Variants in IGF2R observed in about 807,000 individuals in gnomAD.
IGF2R encodes cation-independent mannose-6-phosphate receptor.
Under a neutral mutation model 270.6 loss-of-function variants are expected in IGF2R, and 91 were observed. The observed-to-expected ratio is 0.34, with a 90% confidence interval of 0.28 to 0.40. The LOEUF (loss-of-function observed/expected upper bound fraction) is 0.40. IGF2R is among the 10% of genes least tolerant of loss of function. The pLI, the probability that IGF2R is intolerant of heterozygous loss-of-function variation, is 1.00. For missense variants in IGF2R, 2,805 were observed against 3,188.3 expected (o/e 0.88, Z 2.90); for synonymous variants, 1,316 against 1,258.9 (o/e 1.05, Z -0.96).
At chr6:159,975,512 A>G (rs959479680) in intron 1 of IGF2R, among the ~76,000 whole-genome samples, 3 of 151,910 alleles carry the variant, frequency 2.0e-5, no homozygotes, top group Non-Finnish European at 4.4e-5. Context: ...GTCCAAAAGC[A>G]GGGAAGATGA....
intron 39 of IGF2R, among the ~76,000 whole-genome samples, chr6:160,083,737 C>T (rs1779035417): frequency 1.3e-5 from 2 of 152,216 alleles, no homozygotes; most frequent in African/African-American, 4.8e-5. Context: ...TCCCTTAAAC[C>T]TTAATTTTAT....
In IGF2R at chr6:160,102,596, G is replaced by A; in HGVS notation, c.6920G>A (p.Gly2307Asp). 1 of 1,613,722 alleles carries A rather than the reference G, an allele frequency of 6.2e-7. No homozygotes were observed. Among genetic ancestry groups the A allele is most frequent in the Non-Finnish European group, 8.5e-7 (1 of 1,179,882 alleles). The change falls in exon 46 of 48, where the codon GGC becomes GAC. Residue 2307 changes from glycine to aspartate, a missense_variant. Physicochemically the swap from Gly to Asp is moderately conservative, Grantham distance 94. This residue lies in a region of IGF2R where 1,851 missense variants were observed against 2,207.2 expected (regional missense o/e 0.84). Coordinates refer to ENST00000356956, the MANE Select transcript of IGF2R (RefSeq NM_000876.4). The surrounding 1 kb of genome is among the most constrained non-coding windows in gnomAD (Gnocchi z 4.5). ...KGLSERSQAV[G>D]AVLSLLLVAL... ...CTGTCAGAACGGAGCCAGGCAGTCG[G>A]CGCGGTGCTCAGCCTGCTGCTGGTG...
At chr6:159,972,783 A>T (rs372767493) in intron 1 of IGF2R, among the ~76,000 whole-genome samples, 2 of 152,228 alleles carry the variant, frequency 1.3e-5, no homozygotes, top group Non-Finnish European at 1.5e-5. Flanking sequence ...GTGTCCGTGC[A>T]CGTGGAGGGG....
At chr6:160,053,315 A>G (rs2115254334) in intron 19 of IGF2R, among the ~76,000 whole-genome samples, 1 of 152,318 alleles carries the variant, frequency 6.6e-6, no homozygotes, top group South Asian at 2.1e-4. Flanking sequence ...CCTAAATTAA[A>G]TGATGAGTTG....
intron 2 of IGF2R, among the ~76,000 whole-genome samples, chr6:159,999,961 C>G (rs1039547974): frequency 6.6e-6 from 1 of 152,116 alleles, no homozygotes; most frequent in Non-Finnish European, 1.5e-5. Flanking sequence ...AAAAGGTGTT[C>G]TAAAGACAAA....
At chr6:159,991,062 TA>T in intron 1 of IGF2R, 121 bp from the exon 2 acceptor site, 1 of 936,000 alleles carries the variant, frequency 1.1e-6, no homozygotes. Context: ...TGTTTTTGGC[TA>T]AGGAAAGTGT....
Position 160,110,312 on chromosome 6 carries a change from C to G in IGF2R, c.*5228C>G, listed in dbSNP as rs1035628361. 3.9e-5 allele frequency: 6 copies of G among 152,130 alleles called. No individual in the cohort carries two copies. Among genetic ancestry groups the G allele is most frequent in the Admixed American group, 1.3e-4 (2 of 15,274 alleles). 9.4% of individuals were successfully genotyped at this position (152,130 alleles called of 1,614,324 possible). A position where few individuals can be genotyped will look rare whatever the true frequency, so the allele number is the denominator to read the frequency against. ...CCACACCGTTGATGAGCAGTGAGGC[C>G]CAAACAGGTATATCAAAAAATGCTC... is the stretch of plus-strand genomic sequence containing the variant. On this transcript the variant is annotated 3_prime_UTR_variant, in exon 48 of 48. Transcript: ENST00000356956.
chr6:160,016,117 T>G (rs1265744652), intron 4 of IGF2R, among the ~76,000 whole-genome samples: 1 of 152,200 alleles, frequency 6.6e-6, no homozygotes, highest in East Asian at 1.9e-4. Flanking sequence ...CTGGGCTGGC[T>G]TTTTTGGCCT....
At chr6:160,037,804 C>T (rs932804824) in intron 10 of IGF2R, among the ~76,000 whole-genome samples, 1 of 152,084 alleles carries the variant, frequency 6.6e-6, no homozygotes, top group Admixed American at 6.5e-5. Flanking sequence ...GTCGGGGGTG[C>T]GGGCTCTGCT....
At chr6:160,086,513 G>A (rs1448974609) in intron 41 of IGF2R, among the ~76,000 whole-genome samples, 1 of 152,208 alleles carries the variant, frequency 6.6e-6, no homozygotes, top group Non-Finnish European at 1.5e-5. Context: ...ATGGGGCAGC[G>A]TTGTCATCCG....
intron 39 of IGF2R, among the ~76,000 whole-genome samples, chr6:160,082,142 C>T (rs915058264): frequency 2.0e-5 from 3 of 152,140 alleles, no homozygotes; most frequent in Non-Finnish European, 4.4e-5. Flanking sequence ...CCTGACTTCC[C>T]GCAATAGTCC....
In IGF2R at chr6:160,059,034, A is replaced by G. The variant is rs1448586218; in HGVS notation, c.3027A>G (p.Lys1009=). ...CAGCAAGGCCAGTCGGAATTGAGAA[A>G]AGCCTCCAGCTGTCCACAGAGGGCT... The part of the protein sequence containing the change: ...WKPARPVGIE[K]SLQLSTEGFI... The change falls in exon 22 of 48, where the codon AAA becomes AAG. Residue 1009 remains lysine, a synonymous_variant. Transcript: ENST00000356956. The G allele has an allele frequency of 5.0e-6, 8 of 1,614,230 alleles. No homozygotes were observed. The highest frequency in any genetic ancestry group is 6.8e-6 in the Non-Finnish European group (8 of 1,180,040).
At position 160,012,761 on chromosome 6, in the gene IGF2R, ATATT is replaced by A. The variant is rs1278597004; in HGVS notation, c.513+1978_513+1981del. On this transcript the variant is annotated intron_variant, in intron 4 of 47. Transcript: ENST00000356956. ...CCGGCTAATTTATATATATATATATATATTTTTTTTTTTTTTTGTTTGTTTGTTT... is the reference window on the plus strand; with the variant it reads ...CCGGCTAATTTATATATATATATATATTTTTTTTTTTTTGTTTGTTTGTTT... Among the ~76,000 whole-genome samples, 49 of 72,594 alleles carry A rather than the reference ATATT, an allele frequency of 6.7e-4. 1 individual carries two copies. In the Middle Eastern group the frequency reaches 0.018, roughly 27 times the overall value. The allele number at this position is 72,594 out of a possible 152,430, so 47.6% of individuals were successfully genotyped here.
At chr6:160,008,968 G>T (rs367800234) in intron 2 of IGF2R, 42 bp from the exon 3 acceptor site, 29 of 1,604,486 alleles carry the variant, frequency 1.8e-5, no homozygotes, top group Non-Finnish European at 8.5e-6. Context: ...GTTTGGTTAT[G>T]TATGTTTTAT....
intron 23 of IGF2R, among the ~76,000 whole-genome samples, 190 bp downstream of exon 23, chr6:160,060,907 TGAA>T (rs1174181507): frequency 6.6e-6 from 1 of 152,240 alleles, no homozygotes; most frequent in Non-Finnish European, 1.5e-5. Flanking sequence ...ATGTTTTTCT[TGAA>T]GAGAATCTGA....
At chr6:160,061,377 T>C in intron 23 of IGF2R, 126 bp from the exon 24 acceptor site, 2 of 854,910 alleles carry the variant, frequency 2.3e-6, no homozygotes, top group Non-Finnish European at 1.9e-6. Flanking sequence ...TCCCGTGGAT[T>C]TCCTTATCCT....
chr6:159,999,847 A>G (rs1266949698), intron 2 of IGF2R, among the ~76,000 whole-genome samples: 1 of 152,256 alleles, frequency 6.6e-6, no homozygotes, highest in Non-Finnish European at 1.5e-5. Flanking sequence ...ATTGGAAAAA[A>G]AATTAGTAAC....
Position 160,029,611 on chromosome 6 carries a change from C to A in IGF2R, c.838C>A (p.Pro280Thr). 1 of 1,613,906 alleles carries A rather than the reference C, an allele frequency of 6.2e-7. No individual in the cohort carries two copies. Among genetic ancestry groups the A allele is most frequent in the Non-Finnish European group, 8.5e-7 (1 of 1,179,812 alleles). ...GKLDFCDGHS[P>T]AVTITFVCPS... ...GCTAGACTTTTGTGATGGTCACAGC[C>A]CTGCGGTGACTATTACATTTGTTTG... Residue 280 changes from proline (P) to threonine (T), a missense_variant, in exon 7 of 48, where the codon CCT becomes ACT. Physicochemically the swap from Pro to Thr is conservative, Grantham distance 38 (BLOSUM62 -1). Around this residue, in one of 2 missense-constraint regions of IGF2R, gnomAD observed 954 missense variants for 981.1 expected, o/e 0.97. Coordinates refer to ENST00000356956, the MANE Select transcript of IGF2R (RefSeq NM_000876.4).
At position 160,073,447 on chromosome 6, in the gene IGF2R, C is replaced by T. The variant is rs369644129; in HGVS notation, c.4925C>T (p.Thr1642Met). 25 of 1,614,246 alleles carry T rather than the reference C, an allele frequency of 1.5e-5. No homozygotes were observed. The highest frequency in any genetic ancestry group is 6.7e-5 in the Admixed American group (4 of 60,032). Reference protein sequence around the residue: ...QTCTLFFSWHTPLACEQATEC... With the variant: ...QTCTLFFSWHMPLACEQATEC... The stretch of plus-strand genomic sequence containing the variant: ...TGCACTCTCTTCTTCTCCTGGCACA[C>T]GCCGCTGGCCTGCGAGCAAGCGGTG... Residue 1642 changes from threonine to methionine, a missense_variant, in exon 34 of 48, where the codon ACG becomes ATG. Physicochemically the swap from Thr to Met is moderately conservative, Grantham distance 81 (BLOSUM62 -1). This residue lies in a region of IGF2R where 1,851 missense variants were observed against 2,207.2 expected (regional missense o/e 0.84). Coordinates refer to ENST00000356956, the MANE Select transcript of IGF2R (RefSeq NM_000876.4).
Sources: gnomAD v4.1 joint callset for allele counts (sites outside exome capture counted in the v4.1 genomes callset) on GRCh38, gnomAD v4.1.1 for gene constraint, gnomAD v4.1.1 regional missense constraint, Gnocchi (gnomAD v3.1) non-coding constraint, MANE v1.5 for transcripts, NCBI Gene and HGNC (gene_info 2026-07-23, HGNC 2026-07-21) for gene names.